Variants in ESRRB observed in about 807,000 individuals in gnomAD.
ESRRB encodes estrogen related receptor beta, also known as steroid hormone receptor ERR2.
A neutral mutation model predicts 46.0 loss-of-function variants in ESRRB; 16 were observed. That is an observed-to-expected ratio of 0.35 (90% CI 0.24 to 0.53). The LOEUF (loss-of-function observed/expected upper bound fraction) is 0.53, where lower values mean the gene tolerates loss of function less well. Among genes scored for constraint, ESRRB ranks in the 20% least tolerant of loss-of-function variants. The pLI is 0.93. For synonymous variants in ESRRB, 246 were observed against 259.6 expected (o/e 0.95, Z 0.50); for missense variants, 488 against 607.4 (o/e 0.80, Z 2.07).
intron 3 of ESRRB, among the ~76,000 whole-genome samples, chr14:76,464,553 C>T (rs192367245): frequency 8.5e-5 from 13 of 152,250 alleles, no homozygotes; most frequent in East Asian, 7.7e-4. Flanking sequence ...GCTCCTCATT[C>T]GGGGCTTCAT....
intron 1 of ESRRB, among the ~76,000 whole-genome samples, chr14:76,333,125 A>AT (rs1884069591): frequency 2.5e-4 from 2 of 8,108 alleles, no homozygotes; most frequent in African/African-American, 3.7e-4. Context: ...TATAATATAT[A>AT]TATTATATAT....
At chr14:76,377,029 G>A (rs929710195) in intron 1 of ESRRB, among the ~76,000 whole-genome samples, 9 of 152,234 alleles carry the variant, frequency 5.9e-5, no homozygotes, top group African/African-American at 2.2e-4. Flanking sequence ...GCGGATCCAG[G>A]GCGCCCGGGG....
At position 76,439,780 on chromosome 14, in the gene ESRRB, G is replaced by A. The variant is rs138961914; in HGVS notation, c.460+30G>A. 32 of 1,609,100 alleles carry A rather than the reference G, an allele frequency of 2.0e-5. No homozygotes were observed. The East Asian group carries it at 5.4e-4, about 27-fold the overall frequency. On this transcript the variant is annotated intron_variant, in intron 2 of 6. Coordinates refer to ENST00000644823, the MANE Select transcript of ESRRB (RefSeq NM_001379180.1). ...GTGGTGGGCCTCAAGGAGCCTGGGC[G>A]CAGGGTTGGGGGTGGCAGCCGTGCC...
At chr14:76,425,960 T>C (rs1887180464) in intron 1 of ESRRB, among the ~76,000 whole-genome samples, 1 of 152,210 alleles carries the variant, frequency 6.6e-6, no homozygotes. Flanking sequence ...CCCTCCCTGC[T>C]GTTTCTCATA....
At chr14:76,408,591 C>CAAAAAAAAAAAAAAAAAAAA (rs35955826) in intron 1 of ESRRB, among the ~76,000 whole-genome samples, 1 of 42,118 alleles carries the variant, frequency 2.4e-5, no homozygotes, top group African/African-American at 1.1e-4. Flanking sequence ...GACCCTGTCT[C>CAAAAAAAAAAAAAAAAAAAA]AAAAAAAAAA....
chr14:76,392,202 C>G (rs1001604816), intron 1 of ESRRB, among the ~76,000 whole-genome samples: 1 of 152,172 alleles, frequency 6.6e-6, no homozygotes, highest in African/African-American at 2.4e-5. Flanking sequence ...GACACTGCGG[C>G]CCTGTGTTCC....
intron 1 of ESRRB, among the ~76,000 whole-genome samples, chr14:76,360,978 C>T (rs530164204): frequency 4.4e-4 from 67 of 152,314 alleles, no homozygotes; most frequent in African/African-American, 1.6e-3. Flanking sequence ...TCAGGCAGGG[C>T]TTTGAAATGG....
intron 1 of ESRRB, among the ~76,000 whole-genome samples, chr14:76,408,123 C>T (rs1276342791): frequency 6.6e-6 from 1 of 152,126 alleles, no homozygotes; most frequent in Non-Finnish European, 1.5e-5. Flanking sequence ...AGGTCTTGGC[C>T]CCAAAAAAGT....
At chr14:76,377,252 C>A (rs1466697672) in intron 1 of ESRRB, among the ~76,000 whole-genome samples, 3 of 152,248 alleles carry the variant, frequency 2.0e-5, no homozygotes, top group Non-Finnish European at 4.4e-5. Flanking sequence ...AGCCCCGGGG[C>A]AGCGCGCCAA....
intron 2 of ESRRB, among the ~76,000 whole-genome samples, chr14:76,453,550 G>A (rs1209138947): frequency 6.6e-6 from 1 of 151,110 alleles, no homozygotes; most frequent in Non-Finnish European, 1.5e-5. Context: ...TTTCTCTTAT[G>A]TATGTGTAAG....
At chr14:76,419,041 G>C (rs925571828) in intron 1 of ESRRB, among the ~76,000 whole-genome samples, 1 of 150,938 alleles carries the variant, frequency 6.6e-6, no homozygotes, top group Non-Finnish European at 1.5e-5. Context: ...TTGAGACGAG[G>C]TTTCACTCTG....
chr14:76,403,856 T>C (rs982943009), intron 1 of ESRRB, among the ~76,000 whole-genome samples: 2 of 152,072 alleles, frequency 1.3e-5, no homozygotes, highest in Admixed American at 1.3e-4. Context: ...CCTCCTGGGA[T>C]TACAGGCACC....
chr14:76,341,595 G>A (rs1300605614), intron 1 of ESRRB, among the ~76,000 whole-genome samples: 1 of 152,234 alleles, frequency 6.6e-6, no homozygotes, highest in Non-Finnish European at 1.5e-5. Context: ...AGGTCTCCAG[G>A]GAATAGAGTG....
chr14:76,422,496 C>G (rs1037339214), intron 1 of ESRRB, among the ~76,000 whole-genome samples: 5 of 152,144 alleles, frequency 3.3e-5, no homozygotes, highest in Admixed American at 3.3e-4. Context: ...CAGGCATGAG[C>G]CACCACACCC....
intron 1 of ESRRB, among the ~76,000 whole-genome samples, chr14:76,333,723 G>A (rs1291281948): frequency 2.6e-5 from 4 of 151,486 alleles, no homozygotes; most frequent in African/African-American, 4.9e-5. Context: ...CGACATATAG[G>A]TAATATTAAA....
At chr14:76,446,370 T>A (rs1208697940) in intron 2 of ESRRB, among the ~76,000 whole-genome samples, 1 of 61,356 alleles carries the variant, frequency 1.6e-5, no homozygotes, top group African/African-American at 1.0e-4. Flanking sequence ...CTGTTGTTCG[T>A]TTTTTTTTTT....
chr14:76,335,081 T>G (rs931139367), intron 1 of ESRRB, among the ~76,000 whole-genome samples: 2 of 152,186 alleles, frequency 1.3e-5, no homozygotes, highest in Non-Finnish European at 2.9e-5. Context: ...GGCGCCGTAG[T>G]TCCCTATTGG....
At chr14:76,310,978 T>TTC (rs68079657) in intron 1 of ESRRB, 67,197 of 350,730 alleles carry the variant, frequency 0.19, 3,620 homozygotes, top group Non-Finnish European at 0.21. Context: ...TCTGTCCCCT[T>TTC]TCTCTCTCTC....
rs112229347 is a variant in ESRRB, at chr14:76,394,519, G to A, written c.50+18068G>A. 2.1e-3 allele frequency among the ~76,000 whole-genome samples: 326 copies of A among 152,318 alleles called. 2 individuals carry two copies. The highest frequency in any genetic ancestry group is 7.5e-3 in the African/African-American group (310 of 41,562). On this transcript the variant is annotated intron_variant, in intron 1 of 6. Coordinates refer to ENST00000644823, the MANE Select transcript of ESRRB (RefSeq NM_001379180.1). ...TCCTCCCCAAAGAGGATGCAGCCTTGTGGGGGCTGGGAGGGAGCCTCATTT... is the reference window on the plus strand; with the variant it reads ...TCCTCCCCAAAGAGGATGCAGCCTTATGGGGGCTGGGAGGGAGCCTCATTT...
Sources: allele counts gnomAD v4.1 joint callset (sites outside exome capture counted in the v4.1 genomes callset), GRCh38; gene constraint gnomAD v4.1.1; transcripts MANE v1.5; gene names NCBI Gene and HGNC (gene_info 2026-07-23, HGNC 2026-07-21).